DCAF1: variants seen among roughly 807,000 people sequenced by gnomAD.
DCAF1 encodes the protein DDB1 and CUL4 associated factor 1.
In DCAF1, 15 loss-of-function variants were observed where a neutral mutation model predicts 128.0. The ratio of observed to expected loss-of-function variants is 0.12; its 90% confidence interval spans 0.08 to 0.18. The LOEUF (loss-of-function observed/expected upper bound fraction) is 0.18. Among genes scored for constraint, DCAF1 ranks in the 10% least tolerant of loss-of-function variants. The probability of loss-of-function intolerance (pLI) is 1.00; values close to 1 mark genes in which losing one functional copy is unlikely to be tolerated. For synonymous variants in DCAF1, 610 were observed against 603.0 expected (o/e 1.01, Z -0.17); for missense variants, 988 against 1,649.5 (o/e 0.60, Z 6.95).
rs902917505 is a variant in DCAF1, at chr3:51,452,143, G to T, written c.376-8240C>A. Among the ~76,000 whole-genome samples, 7 of 151,940 alleles carry T rather than the reference G, an allele frequency of 4.6e-5. No homozygotes were observed. The East Asian group carries it at 5.8e-4, about 13-fold the overall frequency. ...CAGTTCACTGCAGCGTCCACCTCCT[G>T]GGCCCAAGCAATCTTCCCACCTCAG... On this transcript the variant is annotated intron_variant, in intron 6 of 24. Coordinates refer to ENST00000684031, the MANE Select transcript of DCAF1 (RefSeq NM_001387579.1).
upstream of DCAF1, among the ~76,000 whole-genome samples, chr3:51,500,386 C>G (rs1553663821): frequency 6.6e-6 from 1 of 152,128 alleles, no homozygotes; most frequent in East Asian, 1.9e-4. Context: ...TTTTCAGTGT[C>G]TTGTTCTGAC....
In DCAF1 at chr3:51,486,960, T is replaced by C. The variant is rs542367991; in HGVS notation, c.-8-3124A>G. On this transcript the variant is annotated intron_variant, in intron 2 of 24. Coordinates refer to ENST00000684031, the MANE Select transcript of DCAF1 (RefSeq NM_001387579.1). ...ATAAATATATTTTTAAAACAAACTTTTTTTCTTTTCTTTTCTTTTTTTTTT... is the reference window on the plus strand; with the variant it reads ...ATAAATATATTTTTAAAACAAACTTCTTTTCTTTTCTTTTCTTTTTTTTTT... 4.1e-5 allele frequency among the ~76,000 whole-genome samples: 6 copies of C among 148,070 alleles called. No homozygotes were observed. The South Asian group carries it at 1.3e-3, about 32-fold the overall frequency.
chr3:51,474,604 T>C (rs1475608251), intron 3 of DCAF1, among the ~76,000 whole-genome samples: 3 of 151,136 alleles, frequency 2.0e-5, no homozygotes, highest in African/African-American at 7.3e-5. Flanking sequence ...TTGTTGGTGA[T>C]GGTTTTTTTT....
chr3:51,423,080 A>C (rs1699560837), intron 13 of DCAF1, among the ~76,000 whole-genome samples: 1 of 152,130 alleles, frequency 6.6e-6, no homozygotes, highest in Non-Finnish European at 1.5e-5. Context: ...AAAACAAAAA[A>C]AAAGAAAAAT....
rs369313274 is a variant in DCAF1 at position 51,398,704 on chromosome 3, T to C, written c.*65A>G. ...GCCCTGGGAGAAAGAGAAGGGAATATGTTCTGAATTCATTTGACTCAGTTT... is the reference window on the plus strand; with the variant it reads ...GCCCTGGGAGAAAGAGAAGGGAATACGTTCTGAATTCATTTGACTCAGTTT... On this transcript the variant is annotated 3_prime_UTR_variant, in exon 25 of 25. Transcript: ENST00000684031. The C allele has an allele frequency of 1.3e-6, 2 of 1,541,396 alleles. No homozygotes were observed. The highest frequency in any genetic ancestry group is 8.8e-7 in the Non-Finnish European group (1 of 1,141,502).
At position 51,442,965 on chromosome 3, in the gene DCAF1, C is replaced by T. The variant is rs1553639289; in HGVS notation, c.513+801G>A. 2.6e-5 allele frequency among the ~76,000 whole-genome samples: 4 copies of T among 152,068 alleles called. No individual in the cohort carries two copies. The South Asian group carries it at 6.2e-4, about 24-fold the overall frequency. ...AATCAGGAAGAATAGCTAATGGATG[C>T]TGGGCCTAATACTTAGGTGATGGGT... is the stretch of plus-strand genomic sequence containing the variant. On this transcript the variant is annotated intron_variant, in intron 7 of 24. Transcript: ENST00000684031.
At chr3:51,400,541 G>GT (rs2089591401) in intron 24 of DCAF1, among the ~76,000 whole-genome samples, 2 of 152,196 alleles carry the variant, frequency 1.3e-5, no homozygotes, top group African/African-American at 2.4e-5. Context: ...CTTTAAGCAA[G>GT]TAACTGTCAG....
chr3:51,469,984 G>A (rs1704556021), intron 4 of DCAF1, among the ~76,000 whole-genome samples: 1 of 152,124 alleles, frequency 6.6e-6, no homozygotes, highest in African/African-American at 2.4e-5. Flanking sequence ...TCGTGCCACT[G>A]CACTGCCGGC....
intron 17 of DCAF1, among the ~76,000 whole-genome samples, chr3:51,417,103 G>C (rs1486259483): frequency 6.6e-6 from 1 of 152,072 alleles, no homozygotes; most frequent in Non-Finnish European, 1.5e-5. Flanking sequence ...ATGACAAACA[G>C]GGCACATGTG....
At chr3:51,440,903 C>T (rs906455781) in intron 9 of DCAF1, 67 bp downstream of exon 9, 1 of 1,380,552 alleles carries the variant, frequency 7.2e-7, no homozygotes, top group Admixed American at 2.1e-5. Flanking sequence ...GAGACTCCAT[C>T]TTAAATTTAA....
intron 9 of DCAF1, among the ~76,000 whole-genome samples, chr3:51,439,700 A>T (rs561883657): frequency 8.6e-5 from 13 of 152,016 alleles, no homozygotes; most frequent in Admixed American, 4.6e-4. Flanking sequence ...AGTTTAAAAA[A>T]TTTTTTTGTG....
At chr3:51,457,239 C>T (rs1210492297) in intron 6 of DCAF1, among the ~76,000 whole-genome samples, 2 of 152,108 alleles carry the variant, frequency 1.3e-5, no homozygotes. Context: ...GAGCTGAAAA[C>T]CAAGGCACAG....
intron 17 of DCAF1, 65 bp downstream of exon 17, chr3:51,418,051 C>A: frequency 1.3e-6 from 2 of 1,539,546 alleles, no homozygotes; most frequent in Non-Finnish European, 8.8e-7. Flanking sequence ...GTCTAAGAAC[C>A]AAATGAAGGG....
chr3:51,443,954 G>A, intron 6 of DCAF1, 51 bp from the exon 7 acceptor site: 2 of 1,506,078 alleles, frequency 1.3e-6, no homozygotes, highest in South Asian at 1.3e-5. Context: ...CCAAGTTCAT[G>A]ATTAACAATA....
intron 17 of DCAF1, 31 bp downstream of exon 17, chr3:51,418,085 C>A (rs782793559): frequency 1.9e-6 from 3 of 1,594,464 alleles, no homozygotes; most frequent in Middle Eastern, 3.3e-4. Flanking sequence ...GTAAATAAAG[C>A]ACAGACTAGG....
intron 13 of DCAF1, among the ~76,000 whole-genome samples, chr3:51,424,389 CA>C (rs1699720234): frequency 7.0e-6 from 1 of 142,760 alleles, no homozygotes; most frequent in Admixed American, 7.2e-5. Context: ...GGTGACAGAG[CA>C]AGACTCTGCC....
intron 6 of DCAF1, among the ~76,000 whole-genome samples, chr3:51,456,257 A>T (rs1262944279): frequency 6.6e-6 from 1 of 152,230 alleles, no homozygotes; most frequent in Non-Finnish European, 1.5e-5. Context: ...CCAGGAGATT[A>T]CATCCCGCAC....
chr3:51,485,530 C>T (rs555671102), intron 2 of DCAF1, among the ~76,000 whole-genome samples: 1 of 152,206 alleles, frequency 6.6e-6, no homozygotes, highest in Admixed American at 6.5e-5. Context: ...ATGGCATCAA[C>T]TTCTTTATAA....
chr3:51,408,376 G>A (rs1698093569), intron 23 of DCAF1, among the ~76,000 whole-genome samples: 1 of 152,174 alleles, frequency 6.6e-6, no homozygotes, highest in South Asian at 2.1e-4. Context: ...TTGGTCACAG[G>A]TGCCTGTATC....
Sources: allele counts gnomAD v4.1 joint callset (sites outside exome capture counted in the v4.1 genomes callset), GRCh38; gene constraint gnomAD v4.1.1; transcripts MANE v1.5; gene names NCBI Gene and HGNC (gene_info 2026-07-23, HGNC 2026-07-21).